Variants in LTBP1 observed in about 807,000 individuals in gnomAD.
LTBP1 encodes latent transforming growth factor beta binding protein 1.
LTBP1 carries 129 observed loss-of-function variants against 207.6 expected under a neutral mutation model. The ratio of observed to expected loss-of-function variants is 0.62; its 90% CI spans 0.54 to 0.72. The LOEUF is 0.72. Ranked by LOEUF, LTBP1 falls within the 30% of genes least tolerant of loss-of-function variation. The probability of loss-of-function intolerance (pLI) is 0.00; values close to 1 mark genes in which losing one functional copy is unlikely to be tolerated. For missense variants in LTBP1, 2,281 were observed against 2,217.2 expected (o/e 1.03, Z -0.58); for synonymous variants, 963 against 833.7 (o/e 1.16, Z -2.67).
chr2:33,130,495 C>T (rs1245109760), intron 4 of LTBP1, among the ~76,000 whole-genome samples: 1 of 152,126 alleles, frequency 6.6e-6, no homozygotes, highest in Non-Finnish European at 1.5e-5. Context: ...GCAACTGTGC[C>T]CTTTTCTAGA....
chr2:33,240,929 C>A (rs535539196), intron 9 of LTBP1, among the ~76,000 whole-genome samples: 1 of 152,064 alleles, frequency 6.6e-6, no homozygotes. Flanking sequence ...GGATTACAGG[C>A]GTGAGCCACC....
chr2:33,173,586 A>G (rs905531322), intron 5 of LTBP1, among the ~76,000 whole-genome samples: 24 of 150,966 alleles, frequency 1.6e-4, no homozygotes, highest in Non-Finnish European at 2.4e-4. Context: ...ACAAGGAGGA[A>G]CTGGTACCAT....
At chr2:33,275,316 T>G (rs1199129728) in intron 17 of LTBP1, among the ~76,000 whole-genome samples, 2 of 152,226 alleles carry the variant, frequency 1.3e-5, no homozygotes, top group Non-Finnish European at 2.9e-5. Flanking sequence ...ACATTAAATG[T>G]TACTTTTGGA....
At chr2:33,121,839 A>G (rs2081141313) in intron 4 of LTBP1, among the ~76,000 whole-genome samples, 2 of 152,170 alleles carry the variant, frequency 1.3e-5, no homozygotes, top group South Asian at 4.1e-4. Context: ...TGGTAACTGT[A>G]GAAATTTAAT....
At chr2:32,967,379 C>CT (rs1192098085) in intron 2 of LTBP1, among the ~76,000 whole-genome samples, 1 of 151,898 alleles carries the variant, frequency 6.6e-6, no homozygotes, top group Non-Finnish European at 1.5e-5. Context: ...ATTTGCTGCT[C>CT]TTTTTCTAGT....
intron 31 of LTBP1, among the ~76,000 whole-genome samples, chr2:33,375,598 G>A (rs2095128084): frequency 6.6e-6 from 1 of 152,124 alleles, no homozygotes; most frequent in Non-Finnish European, 1.5e-5. Flanking sequence ...CACGATCTCG[G>A]CTCACTGCAA....
At chr2:33,297,446 T>G (rs538490016) in intron 20 of LTBP1, among the ~76,000 whole-genome samples, 2 of 141,854 alleles carry the variant, frequency 1.4e-5, no homozygotes, top group South Asian at 2.2e-4. Context: ...TTTATTTATT[T>G]ATTGAGATGG....
chr2:33,286,871 A>G (rs1157405469), intron 19 of LTBP1, among the ~76,000 whole-genome samples: 1 of 152,198 alleles, frequency 6.6e-6, no homozygotes, highest in Admixed American at 6.5e-5. Flanking sequence ...CATAGGTGGG[A>G]ATTGAACAAT....
intron 6 of LTBP1, among the ~76,000 whole-genome samples, chr2:33,187,340 A>G (rs568021242): frequency 1.3e-5 from 2 of 152,358 alleles, no homozygotes; most frequent in East Asian, 3.9e-4. Flanking sequence ...TTTACCACCA[A>G]GAGCTAATAA....
chr2:33,241,130 C>T (rs1320620875), intron 9 of LTBP1, among the ~76,000 whole-genome samples: 1 of 152,078 alleles, frequency 6.6e-6, no homozygotes, highest in African/African-American at 2.4e-5. Flanking sequence ...TGAACCAAGG[C>T]AGTTGAAGGA....
At chr2:32,972,878 T>G (rs1377622034) in intron 2 of LTBP1, among the ~76,000 whole-genome samples, 1 of 152,212 alleles carries the variant, frequency 6.6e-6, no homozygotes, top group Non-Finnish European at 1.5e-5. Flanking sequence ...TTAAACCTCC[T>G]TTGTTTATAC....
chr2:33,353,993 G>A (rs1361062481), intron 26 of LTBP1, among the ~76,000 whole-genome samples: 1 of 151,790 alleles, frequency 6.6e-6, no homozygotes, highest in Non-Finnish European at 1.5e-5. Flanking sequence ...CCGAGTAGCT[G>A]GGACTACAGG....
chr2:33,134,781 C>T lies in LTBP1; in HGVS notation c.1034-12C>T. The T allele has an allele frequency of 1.2e-6, 2 of 1,614,050 alleles. No homozygotes were observed. Among genetic ancestry groups the T allele is most frequent in the Non-Finnish European group, 1.7e-6 (2 of 1,180,016 alleles). The stretch of plus-strand genomic sequence containing the variant: ...TGTTTGTTGTTCTTTTTCTCCCTGC[C>T]TCCGCTCCTAGTGAGTAACCACACT... On this transcript the variant is annotated splice_polypyrimidine_tract_variant and intron_variant, in intron 4 of 33. Coordinates refer to ENST00000404816, the MANE Select transcript of LTBP1 (RefSeq NM_206943.4). This position sits in a 1 kb window ranked among gnomAD's most constrained non-coding sequence, Gnocchi z 4.4.
chr2:33,294,575 A>ATT (rs1181582118), intron 20 of LTBP1, among the ~76,000 whole-genome samples: 61 of 124,836 alleles, frequency 4.9e-4, no homozygotes, highest in Admixed American at 1.0e-3. Flanking sequence ...ATTGGGTAAA[A>ATT]TTTTTTTTTT....
chr2:33,204,534 T>C (rs114649106), intron 7 of LTBP1, among the ~76,000 whole-genome samples: 123 of 152,318 alleles, frequency 8.1e-4, no homozygotes, highest in African/African-American at 2.9e-3. Context: ...TGTTAAAGAA[T>C]ATGGTCTTAA....
intron 32 of LTBP1, among the ~76,000 whole-genome samples, chr2:33,395,855 C>T (rs1300180051): frequency 6.6e-6 from 1 of 151,998 alleles, no homozygotes; most frequent in East Asian, 1.9e-4. Context: ...CTGCCCCCTG[C>T]AGTTCCACTG....
At chr2:33,363,932 T>C (rs1179556048) in intron 29 of LTBP1, among the ~76,000 whole-genome samples, 4 of 152,226 alleles carry the variant, frequency 2.6e-5, no homozygotes, top group African/African-American at 4.8e-5. Context: ...TTAAAAGTTA[T>C]CATAAAGAGC....
At chr2:33,050,139 T>C (rs1208424764) in intron 3 of LTBP1, among the ~76,000 whole-genome samples, 1 of 139,924 alleles carries the variant, frequency 7.1e-6, no homozygotes, top group East Asian at 2.2e-4. Flanking sequence ...CATTTTTTTT[T>C]TTTTCTTTTC....
chr2:33,103,628 A>T (rs219136), intron 3 of LTBP1, among the ~76,000 whole-genome samples: 82,905 of 124,318 alleles, frequency 0.67, 24,201 homozygotes, highest in Non-Finnish European at 0.73. Flanking sequence ...TGTGTGTGTG[A>T]GTGTTATGCT....
Sources: gnomAD v4.1 joint callset for allele counts (sites outside exome capture counted in the v4.1 genomes callset) on GRCh38, gnomAD v4.1.1 for gene constraint, Gnocchi (gnomAD v3.1) non-coding constraint, MANE v1.5 for transcripts, NCBI Gene and HGNC (gene_info 2026-07-23, HGNC 2026-07-21) for gene names.